Variants in SWAP70 observed in about 807,000 individuals in gnomAD.
SWAP70 encodes switching B cell complex subunit SWAP70.
A neutral mutation model predicts 80.2 loss-of-function variants in SWAP70; 34 were observed. The ratio of observed to expected loss-of-function variants is 0.42; its 90% CI spans 0.32 to 0.56. The LOEUF (loss-of-function observed/expected upper bound fraction) is 0.56, where lower values mean the gene tolerates loss of function less well. Ranked by LOEUF, SWAP70 falls within the 20% of genes least tolerant of loss-of-function variation. The pLI is 0.09. For synonymous variants in SWAP70, 239 were observed against 238.5 expected (o/e 1.00, Z -0.02); for missense variants, 578 against 690.7 (o/e 0.84, Z 1.83).
chr11:9,710,996 T>TTTTATTTATTTATTTATTTA (rs71034734), intron 2 of SWAP70, among the ~76,000 whole-genome samples: 21 of 149,012 alleles, frequency 1.4e-4, no homozygotes, highest in South Asian at 1.3e-3. Context: ...TGTTTTTTAT[T>TTTTATTTATTTATTTATTTA]TTTATTTATT....
rs1038766872 is a variant in SWAP70 at position 9,710,417 on chromosome 11, G to A, written c.241-3049G>A. On this transcript the variant is annotated intron_variant, in intron 2 of 11. Coordinates refer to ENST00000318950, the MANE Select transcript of SWAP70 (RefSeq NM_015055.4). ...CCGTGGGAAATGGTGTTAGACTGAG[G>A]CAAGGTACTAAAGGCAGAACACAAA... Among the ~76,000 whole-genome samples, 4 of 152,092 alleles carry A rather than the reference G, an allele frequency of 2.6e-5. No homozygotes were observed. The South Asian group carries it at 8.3e-4, about 32-fold the overall frequency.
chr11:9,687,657 CAT>C (rs1245297490), intron 1 of SWAP70, among the ~76,000 whole-genome samples: 1 of 152,136 alleles, frequency 6.6e-6, no homozygotes, highest in Non-Finnish European at 1.5e-5. Flanking sequence ...ACATCAGTGG[CAT>C]ATATTCTGTG....
chr11:9,665,474 A>G lies in SWAP70; in HGVS notation c.99+1196A>G, dbSNP rs147697455. Among the ~76,000 whole-genome samples the G allele has an allele frequency of 1.4e-4, 22 of 152,330 alleles. No individual in the cohort carries two copies. The Middle Eastern group carries it at 0.01, about 71-fold the overall frequency. On this transcript the variant is annotated intron_variant, in intron 1 of 11. Transcript: ENST00000318950. Reference sequence around the variant, plus strand: ...TAAATTTCAACATATGTATAGATTTATATAACTATCACCACAACCATGGCT... The same window carrying G: ...TAAATTTCAACATATGTATAGATTTGTATAACTATCACCACAACCATGGCT...
chr11:9,734,419 G>A (rs922316661), intron 7 of SWAP70, among the ~76,000 whole-genome samples: 2 of 152,164 alleles, frequency 1.3e-5, no homozygotes, highest in Non-Finnish European at 2.9e-5. Context: ...ATAATGTGAA[G>A]AAGGCATGCC....
intron 1 of SWAP70, among the ~76,000 whole-genome samples, chr11:9,671,740 A>ATATAAATATAAATATATT (rs1274933645): frequency 1.6e-4 from 9 of 55,758 alleles, no homozygotes; most frequent in Middle Eastern, 0.023. Flanking sequence ...CTATGTATAC[A>ATATAAATATAAATATATT]TAGAAATATA....
intron 3 of SWAP70, among the ~76,000 whole-genome samples, chr11:9,716,011 A>G (rs1851061468): frequency 6.6e-6 from 1 of 152,226 alleles, no homozygotes; most frequent in South Asian, 2.1e-4. Flanking sequence ...TTCAGCTTCT[A>G]CATTGGCAGG....
intron 1 of SWAP70, among the ~76,000 whole-genome samples, chr11:9,666,725 T>A (rs1232409712): frequency 3.0e-4 from 1 of 3,292 alleles, no homozygotes; most frequent in Non-Finnish European, 0.038. Context: ...GACCTCTTAA[T>A]TTTTTTTTTT....
intron 2 of SWAP70, among the ~76,000 whole-genome samples, chr11:9,695,034 A>G (rs1850738089): frequency 6.6e-6 from 1 of 152,182 alleles, no homozygotes; most frequent in Non-Finnish European, 1.5e-5. Flanking sequence ...CACATCTGTA[A>G]TCCCAGCACT....
intron 2 of SWAP70, among the ~76,000 whole-genome samples, chr11:9,696,568 A>G (rs1850760652): frequency 1.3e-5 from 2 of 152,184 alleles, no homozygotes; most frequent in Admixed American, 1.3e-4. Context: ...TTTTGTTTCA[A>G]CATGAATAGG....
intron 11 of SWAP70, among the ~76,000 whole-genome samples, chr11:9,749,482 G>A (rs111802434): frequency 0.099 from 15,094 of 152,104 alleles, 1,899 homozygotes; most frequent in East Asian, 0.28. Context: ...TCCTGACCTC[G>A]TGATCCGCCC....
chr11:9,719,944 T>C, intron 3 of SWAP70: 1 of 302,684 alleles, frequency 3.3e-6, no homozygotes, highest in Non-Finnish European at 4.9e-6. Context: ...TTTAATAAAA[T>C]AAATTTTGGA....
chr11:9,709,252 G>C (rs1850963246), intron 2 of SWAP70, among the ~76,000 whole-genome samples: 1 of 151,934 alleles, frequency 6.6e-6, no homozygotes, highest in Non-Finnish European at 1.5e-5. Context: ...AGTCTCCCGA[G>C]TAGCTGGGGC....
rs768827895 is a variant in SWAP70 at position 9,740,135 on chromosome 11, G to A, written c.1189-46G>A. ...CAGGTGGAGGTGAGGCTTTCCCTGA[G>A]AAAGAAGTCAACCTGCATTTAAACA... On this transcript the variant is annotated intron_variant, in intron 8 of 11. Coordinates refer to ENST00000318950, the MANE Select transcript of SWAP70 (RefSeq NM_015055.4). 5.0e-6 allele frequency: 8 copies of A among 1,586,062 alleles called. No individual in the cohort carries two copies. In the South Asian group the frequency reaches 8.1e-5, roughly 16 times the overall value.
At chr11:9,714,411 A>G (rs773920665) in intron 3 of SWAP70, among the ~76,000 whole-genome samples, 2 of 152,254 alleles carry the variant, frequency 1.3e-5, no homozygotes, top group Non-Finnish European at 2.9e-5. Context: ...TAAAGGGTTT[A>G]GTTTAATGCC....
rs1565109715 is a variant in SWAP70, at chr11:9,671,642, C to CGAAA, written c.99+7364_99+7365insGAAA. Among the ~76,000 whole-genome samples, 133 of 16,714 alleles carry CGAAA rather than the reference C, an allele frequency of 8.0e-3. 4 individuals are homozygous for CGAAA. Among genetic ancestry groups the CGAAA allele is most frequent in the Non-Finnish European group, 9.9e-3 (110 of 11,096 alleles). The allele number at this position is 16,714 out of a possible 152,430, so 11.0% of individuals were successfully genotyped here. A position where few individuals can be genotyped will look rare whatever the true frequency, so the allele number is the denominator to read the frequency against. On this transcript the variant is annotated intron_variant, in intron 1 of 11. Coordinates refer to ENST00000318950, the MANE Select transcript of SWAP70 (RefSeq NM_015055.4). Reference sequence around the variant, plus strand: ...TTTCTATATAAATATATAAATATTTCTATATAAATATATTTCTATATAAAT... The same window carrying CGAAA: ...TTTCTATATAAATATATAAATATTTCGAAATATATAAATATATTTCTATATAAAT...
chr11:9,720,051 A>G, intron 3 of SWAP70: 1 of 985,212 alleles, frequency 1.0e-6, no homozygotes, highest in Non-Finnish European at 1.2e-6. Context: ...GCTTCCTGAA[A>G]CTGAATGAGC....
chr11:9,675,320 C>CGCGAGAGAGA (rs1850474899), intron 1 of SWAP70, among the ~76,000 whole-genome samples: 2 of 31,464 alleles, frequency 6.4e-5, no homozygotes, highest in African/African-American at 1.3e-4. Flanking sequence ...AGAGAGGGAG[C>CGCGAGAGAGA]GAGAGAGAGA....
At chr11:9,666,240 C>T (rs916044328) in intron 1 of SWAP70, among the ~76,000 whole-genome samples, 10 of 151,788 alleles carry the variant, frequency 6.6e-5, no homozygotes, top group African/African-American at 2.4e-4. Context: ...TGTGCGTCAC[C>T]ACACCTAGCT....
intron 2 of SWAP70, among the ~76,000 whole-genome samples, chr11:9,704,453 G>A (rs1006135129): frequency 6.6e-6 from 1 of 151,684 alleles, no homozygotes; most frequent in Non-Finnish European, 1.5e-5. Context: ...GGAGTGCAAT[G>A]GTATAATCTC....
Sources: allele counts gnomAD v4.1 joint callset (sites outside exome capture counted in the v4.1 genomes callset), GRCh38; gene constraint gnomAD v4.1.1; transcripts MANE v1.5; gene names NCBI Gene and HGNC (gene_info 2026-07-23, HGNC 2026-07-21).